Variants in APBB2 observed in about 807,000 individuals in gnomAD.
The protein encoded by APBB2 is amyloid beta precursor protein binding family B member 2, also known as Fe65-like 1.
Under a neutral mutation model 82.5 loss-of-function variants are expected in APBB2, and 38 were observed. That is an observed-to-expected ratio of 0.46 (90% CI 0.36 to 0.60). The LOEUF (loss-of-function observed/expected upper bound fraction) is 0.60. Ranked by LOEUF, APBB2 falls within the 20% of genes least tolerant of loss-of-function variation. The pLI is 0.00. For missense variants in APBB2, 772 were observed against 972.3 expected, an observed-to-expected ratio of 0.79 and a Z score of 2.74; for synonymous variants, 341 against 368.2, an observed-to-expected ratio of 0.93 and a Z score of 0.85.
At chr4:40,856,137 A>T (rs2154330705) in intron 12 of APBB2, among the ~76,000 whole-genome samples, 1 of 152,352 alleles carries the variant, frequency 6.6e-6, no homozygotes, top group African/African-American at 2.4e-5. Context: ...ACCCCCATTC[A>T]TGATACAAGT....
chr4:41,192,661 T>C (rs2154071641), intron 1 of APBB2, among the ~76,000 whole-genome samples: 1 of 152,220 alleles, frequency 6.6e-6, no homozygotes. Flanking sequence ...AAATATAGGT[T>C]CAGAGGATAC....
At chr4:41,097,541 C>A (rs1470787782) in intron 3 of APBB2, among the ~76,000 whole-genome samples, 4 of 152,134 alleles carry the variant, frequency 2.6e-5, no homozygotes, top group Non-Finnish European at 5.9e-5. Flanking sequence ...CATGGATATG[C>A]ATTATTTATT....
chr4:40,994,405 A>G lies in APBB2; in HGVS notation c.835+19178T>C, dbSNP rs1240634272. On this transcript the variant is annotated intron_variant, in intron 6 of 17. Transcript: ENST00000508593. ...ATGAAGAAAATAAGATTGCTCTTGA[A>G]GTTAAAGTATGATAGTTGAATCAGT... Among the ~76,000 whole-genome samples the G allele has an allele frequency of 3.9e-5, 6 of 152,328 alleles. No homozygotes were observed. The South Asian group carries it at 6.2e-4, about 16-fold the overall frequency.
intron 2 of APBB2, among the ~76,000 whole-genome samples, chr4:41,132,156 A>G (rs1372779648): frequency 6.6e-6 from 1 of 152,194 alleles, no homozygotes; most frequent in Admixed American, 6.5e-5. Flanking sequence ...CATTATCTAC[A>G]TTGTAAAAAA....
intron 16 of APBB2, 195 bp from the exon 17 acceptor site, chr4:40,822,245 A>T: frequency 5.0e-6 from 3 of 604,922 alleles, no homozygotes; most frequent in Non-Finnish European, 8.7e-6. Context: ...TCTGGAGGTC[A>T]TTCTTGCTCT....
chr4:41,137,319 T>TA (rs1757854426), intron 2 of APBB2, among the ~76,000 whole-genome samples: 2 of 152,204 alleles, frequency 1.3e-5, no homozygotes, highest in Admixed American at 6.5e-5. Context: ...ATGAAAAACT[T>TA]AATCTTTTTT....
At chr4:41,072,416 T>C (rs1281664120) in intron 3 of APBB2, among the ~76,000 whole-genome samples, 1 of 152,208 alleles carries the variant, frequency 6.6e-6, no homozygotes, top group Non-Finnish European at 1.5e-5. Context: ...CTCTCCTTTG[T>C]CCTAAAGAGT....
At chr4:41,102,498 G>A (rs1280588962) in intron 2 of APBB2, among the ~76,000 whole-genome samples, 1 of 152,144 alleles carries the variant, frequency 6.6e-6, no homozygotes, top group Non-Finnish European at 1.5e-5. Context: ...AGTGTAACTC[G>A]AATTTCATGT....
intron 1 of APBB2, among the ~76,000 whole-genome samples, chr4:41,182,883 C>A (rs1771811144): frequency 6.6e-6 from 1 of 152,186 alleles, no homozygotes; most frequent in African/African-American, 2.4e-5. Flanking sequence ...TACTTTCTCC[C>A]TTGACATGTG....
At chr4:41,074,792 G>A (rs3098912) in intron 3 of APBB2, among the ~76,000 whole-genome samples, 68,635 of 151,524 alleles carry the variant, frequency 0.45, 15,882 homozygotes, top group East Asian at 0.63. Flanking sequence ...TGTATTTTTA[G>A]TAGAGATGGG....
intron 3 of APBB2, among the ~76,000 whole-genome samples, chr4:41,077,132 G>A (rs1465014724): frequency 6.7e-6 from 1 of 149,912 alleles, no homozygotes; most frequent in Non-Finnish European, 1.5e-5. Flanking sequence ...AACTTCCCGA[G>A]TAACTAGGAC....
intron 12 of APBB2, among the ~76,000 whole-genome samples, chr4:40,890,048 A>AG (rs1325086461): frequency 6.6e-6 from 1 of 152,088 alleles, no homozygotes; most frequent in Non-Finnish European, 1.5e-5. Flanking sequence ...TGCAGAGAGG[A>AG]GGGGAAAAAG....
chr4:41,134,554 AC>A (rs1757044248), intron 2 of APBB2, among the ~76,000 whole-genome samples: 1 of 152,154 alleles, frequency 6.6e-6, no homozygotes, highest in Non-Finnish European at 1.5e-5. Flanking sequence ...TTTGATTTAT[AC>A]AAGTATATCA....
intron 6 of APBB2, among the ~76,000 whole-genome samples, chr4:40,961,667 T>TAAAAAAAAAAAAAAAAAAA (rs60942744): frequency 7.3e-5 from 5 of 68,242 alleles, no homozygotes; most frequent in East Asian, 5.4e-4. Context: ...AAAAAAGATG[T>TAAAAAAAAAAAAAAAAAAA]AAAAAAAAAA....
At chr4:41,149,761 A>T (rs1560885001) in intron 1 of APBB2, among the ~76,000 whole-genome samples, 3 of 152,140 alleles carry the variant, frequency 2.0e-5, no homozygotes, top group Non-Finnish European at 4.4e-5. Context: ...GTGGGCGGTA[A>T]CTGAATCACT....
intron 10 of APBB2, among the ~76,000 whole-genome samples, chr4:40,910,605 A>T (rs989231842): frequency 6.6e-6 from 1 of 152,160 alleles, no homozygotes; most frequent in African/African-American, 2.4e-5. Context: ...GAAATGCTCA[A>T]TCTAAAGGGG....
chr4:41,051,455 A>G (rs1725906400), intron 4 of APBB2, among the ~76,000 whole-genome samples: 1 of 152,198 alleles, frequency 6.6e-6, no homozygotes, highest in African/African-American at 2.4e-5. Context: ...CTGTAAAAAT[A>G]AATCATCACT....
intron 2 of APBB2, among the ~76,000 whole-genome samples, chr4:41,141,034 C>T (rs1169987310): frequency 6.6e-6 from 1 of 152,162 alleles, no homozygotes; most frequent in Non-Finnish European, 1.5e-5. Flanking sequence ...ATCCCTGCCA[C>T]CCCACTCACT....
At chr4:40,987,443 T>A (rs1278290840) in intron 6 of APBB2, among the ~76,000 whole-genome samples, 1 of 152,248 alleles carries the variant, frequency 6.6e-6, no homozygotes, top group Non-Finnish European at 1.5e-5. Context: ...ATTCTTCATT[T>A]TAATGTGCCT....
Sources: gnomAD v4.1 joint callset for allele counts (sites outside exome capture counted in the v4.1 genomes callset) on GRCh38, gnomAD v4.1.1 for gene constraint, MANE v1.5 for transcripts, NCBI Gene and HGNC (gene_info 2026-07-23, HGNC 2026-07-21) for gene names.